The following SLC39A10 variants were observed in gnomAD, a reference collection of about 807,000 sequenced individuals.
SLC39A10 encodes zinc transporter ZIP10.
In SLC39A10, 13 loss-of-function variants were observed where a neutral mutation model predicts 65.1. The observed-to-expected ratio is 0.20, with a 90% CI of 0.13 to 0.32. The LOEUF (loss-of-function observed/expected upper bound fraction) is 0.32, where lower values mean the gene tolerates loss of function less well. Ranked by LOEUF, SLC39A10 falls within the 10% of genes least tolerant of loss-of-function variation. SLC39A10 has a pLI of 1.00. For missense variants in SLC39A10, 831 were observed against 1,018.4 expected (o/e 0.82, Z 2.50); for synonymous variants, 321 against 342.2 (o/e 0.94, Z 0.68).
chr2:195,669,330 A>T lies in SLC39A10; in HGVS notation c.-11-10702A>T, dbSNP rs150097311. On this transcript the variant is annotated intron_variant, in intron 1 of 9. Transcript: ENST00000359634. ...GATCTCACAGTGTTCTGGTTTCAAG[A>T]TACACAAATATGCTACTGTAGTAGA... is the stretch of plus-strand genomic sequence containing the variant. Among the ~76,000 whole-genome samples, 297 of 152,256 alleles carry T rather than the reference A, an allele frequency of 2.0e-3. 1 individual carries two copies. The highest frequency in any genetic ancestry group is 6.8e-3 in the African/African-American group (283 of 41,532).
rs542710118 is a variant in SLC39A10, at chr2:195,617,700, G to GTTTATTTTATTTTATTTTAT, written c.-12+11470_-12+11471insATTTTATTTTATTTTATTTT. ...AGCCTAGGCAACATAGTGAGACCTT[G>GTTTATTTTATTTTATTTTAT]TTTCTTTTCTTTTCTTTTCTTTTCT... On this transcript the variant is annotated intron_variant, in intron 2 of 2. Transcript: ENST00000458054. Among the ~76,000 whole-genome samples, 68 of 97,628 alleles carry GTTTATTTTATTTTATTTTAT rather than the reference G, an allele frequency of 7.0e-4. 1 individual carries two copies. The highest frequency in any genetic ancestry group is 4.4e-3 in the Middle Eastern group (1 of 228). The allele number at this position is 97,628 out of a possible 152,430, so 64.0% of individuals were successfully genotyped here. A position where few individuals can be genotyped will look rare whatever the true frequency, so the allele number is the denominator to read the frequency against.
intron 2 of SLC39A10, among the ~76,000 whole-genome samples, chr2:195,637,830 G>A (rs1688723272): frequency 6.6e-6 from 1 of 152,190 alleles, no homozygotes. Context: ...GTCTCGGAAA[G>A]TGCAACATAA....
At chr2:195,660,208 T>A (rs1689333324) in intron 1 of SLC39A10, among the ~76,000 whole-genome samples, 1 of 152,182 alleles carries the variant, frequency 6.6e-6, no homozygotes, top group Admixed American at 6.5e-5. Flanking sequence ...TGTGTTTATA[T>A]AGTGCTTACC....
At chr2:195,731,768 G>T (rs1332335011) in intron 9 of SLC39A10, among the ~76,000 whole-genome samples, 2 of 152,244 alleles carry the variant, frequency 1.3e-5, no homozygotes, top group African/African-American at 4.8e-5. Context: ...AAAAAAATCC[G>T]AGCTGAGTCC....
intron 5 of SLC39A10, among the ~76,000 whole-genome samples, chr2:195,712,620 T>A (rs1474674787): frequency 6.6e-6 from 1 of 152,222 alleles, no homozygotes; most frequent in African/African-American, 2.4e-5. Context: ...TAAATTAGCA[T>A]ACATTAGAAG....
intron 1 of SLC39A10, among the ~76,000 whole-genome samples, chr2:195,676,671 G>C (rs1690102714): frequency 6.6e-6 from 1 of 152,130 alleles, no homozygotes; most frequent in Non-Finnish European, 1.5e-5. Context: ...CCCTGTGCTA[G>C]TTCTATGTTA....
At position 195,639,022 on chromosome 2, in the gene SLC39A10, C is replaced by T. The variant is rs188580677; in HGVS notation, c.-12+32789C>T. ...CCCGGCTGGAGTGCAGTGGAACCAT[C>T]GTAGCTCACTATGACCTCTAACTCC... is the stretch of plus-strand genomic sequence containing the variant. On this transcript the variant is annotated intron_variant, in intron 2 of 2. Transcript: ENST00000458054. Among the ~76,000 whole-genome samples, 154 of 151,544 alleles carry T rather than the reference C, an allele frequency of 1.0e-3. 1 individual carries two copies. The highest frequency in any genetic ancestry group is 1.7e-3 in the Non-Finnish European group (114 of 67,940).
chr2:195,722,102 A>G (rs1242280608), intron 8 of SLC39A10, among the ~76,000 whole-genome samples: 2 of 152,140 alleles, frequency 1.3e-5, no homozygotes, highest in African/African-American at 2.4e-5. Flanking sequence ...GGAGCGGAGA[A>G]CTCTGCTTGG....
intron 3 of SLC39A10, among the ~76,000 whole-genome samples, chr2:195,693,115 G>T (rs998472110): frequency 4.6e-5 from 7 of 152,048 alleles, no homozygotes; most frequent in Non-Finnish European, 1.0e-4. Flanking sequence ...TGTTTATGTG[G>T]TGTATCACAT....
At chr2:195,721,410 GC>G (rs1430099774) in intron 8 of SLC39A10, among the ~76,000 whole-genome samples, 1 of 151,954 alleles carries the variant, frequency 6.6e-6, no homozygotes, top group African/African-American at 2.4e-5. Context: ...TACATGGCTG[GC>G]CCAAATACTT....
intron 9 of SLC39A10, among the ~76,000 whole-genome samples, chr2:195,734,277 T>C (rs1692516368): frequency 6.6e-6 from 1 of 151,742 alleles, no homozygotes; most frequent in East Asian, 1.9e-4. Flanking sequence ...TTCAAATGAT[T>C]CTCCTGCCTC....
chr2:195,718,359 G>T (rs1202935086), intron 8 of SLC39A10, 27 bp downstream of exon 8: 6 of 1,533,322 alleles, frequency 3.9e-6, no homozygotes, highest in Non-Finnish European at 5.4e-6. Context: ...AATTTTACCA[G>T]ATTTCATCAA....
Position 195,699,365 on chromosome 2 carries a change from A to G in SLC39A10, c.1217-7251A>G, listed in dbSNP as rs371453981. 6.0e-5 allele frequency among the ~76,000 whole-genome samples: 9 copies of G among 149,942 alleles called. 1 individual carries two copies. In the East Asian group the frequency reaches 9.8e-4, roughly 16 times the overall value. On this transcript the variant is annotated intron_variant, in intron 3 of 9. Transcript: ENST00000359634. Reference sequence around the variant, plus strand: ...TTGTTCTTCTTTTTCTAGTCCCTTAAGTGTAATGTTAAGTTTTTGGTTTGA... The same window carrying G: ...TTGTTCTTCTTTTTCTAGTCCCTTAGGTGTAATGTTAAGTTTTTGGTTTGA...
chr2:195,681,430 G>GC (rs1690316635), intron 2 of SLC39A10, among the ~76,000 whole-genome samples: 1 of 152,042 alleles, frequency 6.6e-6, no homozygotes, highest in Non-Finnish European at 1.5e-5. Flanking sequence ...GGAGGCTGAG[G>GC]TGGAGAATCA....
chr2:195,659,255 A>G (rs1559019520), intron 1 of SLC39A10, among the ~76,000 whole-genome samples: 1 of 152,158 alleles, frequency 6.6e-6, no homozygotes, highest in Non-Finnish European at 1.5e-5. Context: ...GTGGTTGGGG[A>G]AGACCTCATA....
At chr2:195,660,993 A>G (rs977517004) in intron 1 of SLC39A10, among the ~76,000 whole-genome samples, 7 of 152,114 alleles carry the variant, frequency 4.6e-5, no homozygotes, top group Non-Finnish European at 7.4e-5. Context: ...AGTTTCAAGG[A>G]CCTCTTCATA....
intron 2 of SLC39A10, among the ~76,000 whole-genome samples, chr2:195,616,435 T>G (rs534976621): frequency 1.2e-3 from 178 of 151,928 alleles, no homozygotes; most frequent in Non-Finnish European, 2.1e-3. Context: ...GCCTCCCAAG[T>G]AGCTGGGACT....
chr2:195,633,286 A>C (rs1486188032), intron 2 of SLC39A10, among the ~76,000 whole-genome samples: 1 of 152,146 alleles, frequency 6.6e-6, no homozygotes, highest in Non-Finnish European at 1.5e-5. Context: ...ATTGCGCTCA[A>C]CCCCTCGTGG....
rs1367878351 is a variant in SLC39A10 at position 195,704,411 on chromosome 2, G to T, written c.1217-2205G>T. On this transcript the variant is annotated intron_variant, in intron 3 of 9. Transcript: ENST00000359634. ...ACTCACTTTGTCCCATGTAGTTATT[G>T]TAAGTTCCCTGTCCTTTTTATCTCT... Among the ~76,000 whole-genome samples the T allele has an allele frequency of 4.6e-5, 7 of 152,288 alleles. No individual in the cohort carries two copies. The South Asian group carries it at 6.2e-4, about 14-fold the overall frequency.
Sources: allele counts gnomAD v4.1 joint callset (sites outside exome capture counted in the v4.1 genomes callset), GRCh38; gene constraint gnomAD v4.1.1; transcripts MANE v1.5; gene names NCBI Gene and HGNC (gene_info 2026-07-23, HGNC 2026-07-21).